NR2C1: variants seen among roughly 807,000 people sequenced by gnomAD.
NR2C1 encodes TR2 nuclear hormone receptor.
NR2C1 carries 33 observed loss-of-function variants against 74.8 expected under a neutral mutation model. The observed-to-expected ratio is 0.44, with a 90% CI of 0.33 to 0.59. The LOEUF is 0.59. Ranked by LOEUF, NR2C1 falls within the 20% of genes least tolerant of loss-of-function variation. The pLI, the probability that NR2C1 is intolerant of heterozygous loss-of-function variation, is 0.02. For synonymous variants in NR2C1, 225 were observed against 240.6 expected (o/e 0.94, Z 0.60); for missense variants, 568 against 715.6 (o/e 0.79, Z 2.35).
At chr12:95,056,094 G>A (rs534777308) in intron 7 of NR2C1, among the ~76,000 whole-genome samples, 6 of 151,752 alleles carry the variant, frequency 4.0e-5, no homozygotes, top group South Asian at 2.1e-4. Flanking sequence ...AATGAAACTC[G>A]GTCTCTACAA....
chr12:95,023,825 GTATT>G (rs780020852), intron 13 of NR2C1, among the ~76,000 whole-genome samples: 34 of 152,176 alleles, frequency 2.2e-4, no homozygotes, highest in Non-Finnish European at 4.1e-4. Context: ...TTTAAATACT[GTATT>G]TATTTGTATA....
At chr12:95,041,842 G>T (rs1458229192) in intron 9 of NR2C1, among the ~76,000 whole-genome samples, 1 of 152,220 alleles carries the variant, frequency 6.6e-6, no homozygotes, top group Non-Finnish European at 1.5e-5. Context: ...AAAAGCATGT[G>T]TAAGGATGTC....
chr12:95,061,894 A>G (rs2136189012), intron 3 of NR2C1, among the ~76,000 whole-genome samples: 1 of 152,352 alleles, frequency 6.6e-6, no homozygotes, highest in African/African-American at 2.4e-5. Context: ...AGCGAAAACT[A>G]AAATGATGTA....
chr12:95,037,057 C>T (rs1378020567), intron 10 of NR2C1, among the ~76,000 whole-genome samples: 1 of 152,154 alleles, frequency 6.6e-6, no homozygotes, highest in Non-Finnish European at 1.5e-5. Context: ...AGCTGTCTGG[C>T]TTGGCATTTA....
At chr12:95,026,113 A>G (rs1212747906) in intron 12 of NR2C1, among the ~76,000 whole-genome samples, 2 of 151,970 alleles carry the variant, frequency 1.3e-5, no homozygotes, top group Non-Finnish European at 2.9e-5. Context: ...AGGCTGAGGC[A>G]GGAGAATCGC....
chr12:95,050,984 T>C (rs1442326723), intron 8 of NR2C1, among the ~76,000 whole-genome samples: 2 of 152,170 alleles, frequency 1.3e-5, no homozygotes, highest in Non-Finnish European at 2.9e-5. Context: ...TCTTCATCTT[T>C]AGAAGAAAAA....
Position 95,040,547 on chromosome 12 carries a change from C to G in NR2C1, c.1182G>C (p.Gly394=). 6.2e-7 allele frequency: 1 copy of G among 1,613,838 alleles called. No homozygotes were observed. Among genetic ancestry groups the G allele is most frequent in the Non-Finnish European group, 8.5e-7 (1 of 1,179,832 alleles). ...MPEYLNVHYI[G]ESASRLLFLS... The stretch of plus-strand genomic sequence containing the variant: ...AGAACAGCAGTCTGGAGGCAGACTC[C>G]CCAATGTAGTGCACATTCAGGTACT... Residue 394 remains glycine (G), a synonymous_variant, in exon 10 of 14, where the codon GGG becomes GGC. Transcript: ENST00000333003.
At position 95,048,622 on chromosome 12, in the gene NR2C1, G is replaced by GCTTTTTTTTTTTTTTTTTTTTTTTT. The variant is rs1432439180; in HGVS notation, c.1131+445_1131+446insAAAAAAAAAAAAAAAAAAAAAAAAG. On this transcript the variant is annotated intron_variant, in intron 9 of 13. Transcript: ENST00000333003. The stretch of plus-strand genomic sequence containing the variant: ...ACATTTTGTTTCTATATGCAGATGA[G>GCTTTTTTTTTTTTTTTTTTTTTTTT]TTTTTTTTTTTTTTTTTTTGAGACA... Among the ~76,000 whole-genome samples, 4 of 130,526 alleles carry GCTTTTTTTTTTTTTTTTTTTTTTTT rather than the reference G, an allele frequency of 3.1e-5. 1 individual carries two copies. The highest frequency in any genetic ancestry group is 8.3e-5 in the African/African-American group (3 of 36,088). The allele number at this position is 130,526 out of a possible 152,430, so 85.6% of individuals were successfully genotyped here.
At chr12:95,070,212 A>G (rs1238212847) in intron 1 of NR2C1, among the ~76,000 whole-genome samples, 1 of 151,896 alleles carries the variant, frequency 6.6e-6, no homozygotes, top group East Asian at 1.9e-4. Context: ...GCTCACTACA[A>G]CCTCTGCCTC....
chr12:95,055,071 G>A (rs1252642909), intron 7 of NR2C1, among the ~76,000 whole-genome samples: 1 of 152,096 alleles, frequency 6.6e-6, no homozygotes, highest in African/African-American at 2.4e-5. Context: ...CAGGGTTGGG[G>A]GTAAGGTCAC....
chr12:95,042,902 G>A (rs1307344258), intron 9 of NR2C1, among the ~76,000 whole-genome samples: 1 of 142,130 alleles, frequency 7.0e-6, no homozygotes, highest in Non-Finnish European at 1.5e-5. Context: ...TTCAAGACCG[G>A]CCTGGGCAAC....
At chr12:95,062,983 C>G (rs1477827439) in intron 2 of NR2C1, 1 of 533,614 alleles carries the variant, frequency 1.9e-6, no homozygotes, top group Non-Finnish European at 3.3e-6. Context: ...CTCCCATGTT[C>G]CATTTAGACA....
At chr12:95,043,034 G>A (rs547348117) in intron 9 of NR2C1, among the ~76,000 whole-genome samples, 27 of 151,986 alleles carry the variant, frequency 1.8e-4, no homozygotes, top group Middle Eastern at 3.4e-3. Context: ...AGGCTGAGGT[G>A]GAAGAGCTGC....
At chr12:95,049,660 T>TC (rs1872730055) in intron 8 of NR2C1, among the ~76,000 whole-genome samples, 8 of 152,068 alleles carry the variant, frequency 5.3e-5, no homozygotes, top group Non-Finnish European at 1.2e-4. Flanking sequence ...GATATATATA[T>TC]ATATGATACT....
Position 95,025,376 on chromosome 12 carries a change from A to G in NR2C1, c.1532-121T>C, listed in dbSNP as rs1869227569. On this transcript the variant is annotated intron_variant, in intron 12 of 13. Transcript: ENST00000333003. Reference sequence around the variant, plus strand: ...AGCCCCATCATAAAATGTGTGGCTCAGGCCGGGCATGGTGGCTCACGCCTG... The same window carrying G: ...AGCCCCATCATAAAATGTGTGGCTCGGGCCGGGCATGGTGGCTCACGCCTG... 3 of 575,070 alleles carry G rather than the reference A, an allele frequency of 5.2e-6. No homozygotes were observed. The East Asian group carries it at 9.4e-5, about 18-fold the overall frequency. The allele number at this position is 575,070 out of a possible 1,614,324, so 35.6% of individuals were successfully genotyped here. A position where few individuals can be genotyped will look rare whatever the true frequency, so the allele number is the denominator to read the frequency against.
At chr12:95,043,227 C>T (rs371533096) in intron 9 of NR2C1, among the ~76,000 whole-genome samples, 2 of 152,120 alleles carry the variant, frequency 1.3e-5, no homozygotes, top group Admixed American at 6.6e-5. Context: ...TGCCACTGAA[C>T]TCCAGCCTGG....
intron 12 of NR2C1, among the ~76,000 whole-genome samples, chr12:95,026,373 CTATA>C (rs1352648018): frequency 2.6e-5 from 4 of 151,922 alleles, no homozygotes; most frequent in Admixed American, 6.6e-5. Flanking sequence ...ATGAAAAAAT[CTATA>C]TAAGCATTTC....
chr12:95,034,817 T>C (rs1870608937), intron 10 of NR2C1, among the ~76,000 whole-genome samples: 1 of 152,170 alleles, frequency 6.6e-6, no homozygotes. Flanking sequence ...CTGTAGCATA[T>C]AGCCTTGATG....
chr12:95,035,380 CT>C (rs1870691926), intron 10 of NR2C1, among the ~76,000 whole-genome samples: 2 of 152,026 alleles, frequency 1.3e-5, no homozygotes. Flanking sequence ...CTCAGTTTCA[CT>C]TTTAACCTCT....
Sources: gnomAD v4.1 joint callset for allele counts (sites outside exome capture counted in the v4.1 genomes callset) on GRCh38, gnomAD v4.1.1 for gene constraint, MANE v1.5 for transcripts, NCBI Gene and HGNC (gene_info 2026-07-23, HGNC 2026-07-21) for gene names.